Variants in SORL1 observed in about 807,000 individuals in gnomAD.
SORL1 encodes the protein sortilin-related receptor.
In SORL1, 127 loss-of-function variants were observed where a neutral mutation model predicts 273.7. That is an observed-to-expected ratio of 0.46 (90% CI 0.40 to 0.54). The LOEUF is 0.54. Among genes scored for constraint, SORL1 ranks in the 20% least tolerant of loss-of-function variants. The pLI, the probability that SORL1 is intolerant of heterozygous loss-of-function variation, is 0.00. For synonymous variants in SORL1, 1,031 were observed against 1,067.4 expected (o/e 0.97, Z 0.66); for missense variants, 2,494 against 2,846.1 (o/e 0.88, Z 2.81).
At chr11:121,457,743 C>A (rs1254902030) in intron 1 of SORL1, among the ~76,000 whole-genome samples, 1 of 152,190 alleles carries the variant, frequency 6.6e-6, no homozygotes, top group Non-Finnish European at 1.5e-5. Context: ...GAGCACAGTT[C>A]CCTTGAGATG....
At chr11:121,611,194 G>A (rs2134932913) in intron 39 of SORL1, 36 bp downstream of exon 39, 2 of 1,372,176 alleles carry the variant, frequency 1.5e-6, no homozygotes, top group East Asian at 4.6e-5. Context: ...GCTGGATGGG[G>A]CTTTATTTTG....
intron 12 of SORL1, 135 bp downstream of exon 12, chr11:121,532,687 CT>C (rs35892410): frequency 0.17 from 85,491 of 508,236 alleles, 40 homozygotes; most frequent in South Asian, 0.22. Flanking sequence ...ATGAGTTAAA[CT>C]TTTTTTTTTT....
In SORL1 at chr11:121,577,290, A is replaced by G. The variant is rs371603043; in HGVS notation, c.3470A>G (p.Gln1157Arg). 4.5e-5 allele frequency: 71 copies of G among 1,593,288 alleles called. 7 individuals carry two copies. The highest frequency in any genetic ancestry group is 4.4e-4 in the Admixed American group (24 of 55,070). Reference sequence around the variant, plus strand: ...ATGGTCTCACCTGCAGAAATGCACCAGTGCCGGAGTGACGAGTACAACTGC... The same window carrying G: ...ATGGTCTCACCTGCAGAAATGCACCGGTGCCGGAGTGACGAGTACAACTGC... ...NSDESHCEMH[Q>R]CRSDEYNCSS... Residue 1157 changes from glutamine (Q) to arginine (R), a missense_variant, in exon 25 of 48, where the codon CAG becomes CGG. This residue lies in a region of SORL1 where 1,609 missense variants were observed against 1,816.4 expected (regional missense o/e 0.89). Transcript: ENST00000260197.
intron 8 of SORL1, 104 bp from the exon 9 acceptor site, chr11:121,520,550 GCTT>G: frequency 1.4e-6 from 1 of 698,936 alleles, no homozygotes; most frequent in South Asian, 2.2e-5. Context: ...TTGTGAATGT[GCTT>G]AATGCCACAA....
chr11:121,551,919 G>A (rs1862512859), intron 16 of SORL1, among the ~76,000 whole-genome samples: 1 of 152,226 alleles, frequency 6.6e-6, no homozygotes, highest in African/African-American at 2.4e-5. Context: ...ATTGATGAGG[G>A]CGTGGGTTAG....
At chr11:121,578,105 G>T (rs1862963324) in intron 25 of SORL1, among the ~76,000 whole-genome samples, 2 of 152,096 alleles carry the variant, frequency 1.3e-5, no homozygotes, top group African/African-American at 4.8e-5. Context: ...AAAAATTAAG[G>T]AATTTTTGTT....
rs1349778634 is a variant in SORL1, at chr11:121,550,102, A to G, written c.2180+14A>G. ...GAGAACGAGAGGGTATGTATCACAGAGGTTGCCCTGTCAGGTTCTCAGCGG... is the reference window on the plus strand; with the variant it reads ...GAGAACGAGAGGGTATGTATCACAGGGGTTGCCCTGTCAGGTTCTCAGCGG... On this transcript the variant is annotated intron_variant, in intron 15 of 47. Transcript: ENST00000260197. The surrounding 1 kb of genome is among the most constrained non-coding windows in gnomAD (Gnocchi z 5.3). 13 of 1,610,194 alleles carry G rather than the reference A, an allele frequency of 8.1e-6. No individual in the cohort carries two copies. In the East Asian group the frequency reaches 2.9e-4, roughly 36 times the overall value.
At chr11:121,486,397 A>C (rs905368318) in intron 3 of SORL1, among the ~76,000 whole-genome samples, 6 of 151,800 alleles carry the variant, frequency 4.0e-5, no homozygotes, top group Admixed American at 2.0e-4. Flanking sequence ...CCACCACTTT[A>C]GGAGGCCGAG....
At chr11:121,588,336 C>T (rs1300156343) in intron 28 of SORL1, among the ~76,000 whole-genome samples, 185 bp downstream of exon 28, 2 of 152,154 alleles carry the variant, frequency 1.3e-5, no homozygotes, top group Admixed American at 1.3e-4. Context: ...CCAAGCTTGC[C>T]TTTTCTGAGA....
Position 121,630,997 on chromosome 11 carries a change from G to A in SORL1, c.*1434G>A. 1 of 153,178 alleles carries A rather than the reference G, an allele frequency of 6.5e-6. No homozygotes were observed. Among genetic ancestry groups the A allele is most frequent in the Non-Finnish European group, 1.5e-5 (1 of 68,600 alleles). The allele number at this position is 153,178 out of a possible 1,614,324, so 9.5% of individuals were successfully genotyped here. On this transcript the variant is annotated 3_prime_UTR_variant, in exon 48 of 48. Transcript: ENST00000260197. ...AATTTCCTTTCAGCCAAGAAGCAGTGAGGTCTGGGAATATTCCAAAGTCAT... is the reference window on the plus strand; with the variant it reads ...AATTTCCTTTCAGCCAAGAAGCAGTAAGGTCTGGGAATATTCCAAAGTCAT...
In SORL1 at chr11:121,522,603, C is replaced by T. The variant is rs897317554; in HGVS notation, c.1422C>T (p.Ser474=). The T allele has an allele frequency of 6.2e-7, 1 of 1,614,032 alleles. No homozygotes were observed. Among genetic ancestry groups the T allele is most frequent in the East Asian group, 2.2e-5 (1 of 44,878 alleles). ...KINCELSQGC[S]LHLAQRLSQL... is the part of the protein sequence containing the mutation. ...TTGTATAGCTTTCCCAGGGCTGTTC[C>T]CTTCATCTGGCTCAGCGCCTCAGTC... Residue 474 remains serine (S), a synonymous_variant, in exon 10 of 48, where the codon TCC becomes TCT. Coordinates refer to ENST00000260197, the MANE Select transcript of SORL1 (RefSeq NM_003105.6).
At chr11:121,620,294 A>G (rs978457225) in intron 43 of SORL1, among the ~76,000 whole-genome samples, 6 of 152,206 alleles carry the variant, frequency 3.9e-5, no homozygotes, top group Non-Finnish European at 7.3e-5. Context: ...TATATATTAT[A>G]TCTGACCACT....
In SORL1 at chr11:121,608,129, T is replaced by C; in HGVS notation, c.5192T>C (p.Ile1731Thr). 6.2e-7 allele frequency: 1 copy of C among 1,614,112 alleles called. No individual in the cohort carries two copies. Among genetic ancestry groups the C allele is most frequent in the Non-Finnish European group, 8.5e-7 (1 of 1,179,956 alleles). The change falls in exon 38 of 48, where the codon ATA becomes ACA. Residue 1731 changes from isoleucine to threonine, a missense_variant. Coordinates refer to ENST00000260197, the MANE Select transcript of SORL1 (RefSeq NM_003105.6). ...GTGGCTGCGGTGACTAGTCGTGGAA[T>C]AGGAAACTGGAGCGATTCTAAATCC... Reference protein sequence around the residue: ...VRVAAVTSRGIGNWSDSKSIT... With the variant: ...VRVAAVTSRGTGNWSDSKSIT...
intron 21 of SORL1, among the ~76,000 whole-genome samples, chr11:121,559,975 C>T (rs910370493): frequency 5.3e-5 from 8 of 152,120 alleles, no homozygotes; most frequent in Non-Finnish European, 1.2e-4. Flanking sequence ...TGTGCTTAAT[C>T]CCTGTTTGGC....
At chr11:121,460,252 C>G (rs1198958096) in intron 1 of SORL1, among the ~76,000 whole-genome samples, 1 of 151,926 alleles carries the variant, frequency 6.6e-6, no homozygotes, top group Non-Finnish European at 1.5e-5. Context: ...GGGAAGATGA[C>G]TAGGGTGAAT....
intron 5 of SORL1, among the ~76,000 whole-genome samples, chr11:121,490,776 A>G (rs981521778): frequency 1.3e-5 from 2 of 151,636 alleles, no homozygotes; most frequent in African/African-American, 2.4e-5. Context: ...GCATTTGTTC[A>G]TAACATTTTC....
At chr11:121,512,142 G>A (rs1861889616) in intron 6 of SORL1, among the ~76,000 whole-genome samples, 1 of 152,120 alleles carries the variant, frequency 6.6e-6, no homozygotes, top group African/African-American at 2.4e-5. Context: ...AAAACGTACG[G>A]AGCCTCCATA....
At position 121,566,389 on chromosome 11, in the gene SORL1, G is replaced by A. The variant is rs188977069; in HGVS notation, c.3050-551G>A. On this transcript the variant is annotated intron_variant, in intron 21 of 47. Coordinates refer to ENST00000260197, the MANE Select transcript of SORL1 (RefSeq NM_003105.6). Reference sequence around the variant, plus strand: ...AATTAAAAAAAAAAATTTTTTTTAAGGGATAGGATCTTGCTATATTGCCCA... The same window carrying A: ...AATTAAAAAAAAAAATTTTTTTTAAAGGATAGGATCTTGCTATATTGCCCA... 3.2e-3 allele frequency among the ~76,000 whole-genome samples: 492 copies of A among 152,114 alleles called. 5 individuals carry two copies. Among genetic ancestry groups the A allele is most frequent in the African/African-American group, 0.012 (479 of 41,478 alleles).
intron 1 of SORL1, among the ~76,000 whole-genome samples, chr11:121,466,132 C>T (rs770383672): frequency 6.6e-6 from 1 of 152,202 alleles, no homozygotes; most frequent in Non-Finnish European, 1.5e-5. Flanking sequence ...GCCTTAACAG[C>T]TCCAATTAAT....
Sources: gnomAD v4.1 joint callset for allele counts (sites outside exome capture counted in the v4.1 genomes callset) on GRCh38, gnomAD v4.1.1 for gene constraint, gnomAD v4.1.1 regional missense constraint, Gnocchi (gnomAD v3.1) non-coding constraint, MANE v1.5 for transcripts, NCBI Gene and HGNC (gene_info 2026-07-23, HGNC 2026-07-21) for gene names.